The following EYS variants were observed in gnomAD, a reference collection of about 807,000 sequenced individuals.
EYS encodes the protein EGF-like photoreceptor maintenance factor, also known as protein eyes shut homolog.
A neutral mutation model predicts 282.1 loss-of-function variants in EYS; 250 were observed. The observed-to-expected ratio is 0.89, with a 90% CI of 0.80 to 0.98. The LOEUF is 0.98. EYS is among the 50% of genes least tolerant of loss of function. The probability of loss-of-function intolerance (pLI) is 0.00; values close to 1 mark genes in which losing one functional copy is unlikely to be tolerated. For missense variants in EYS, 4,016 were observed against 3,709.0 expected, an observed-to-expected ratio of 1.08 and a Z score of -2.15; for synonymous variants, 1,355 against 1,282.9, an observed-to-expected ratio of 1.06 and a Z score of -1.20.
chr6:64,571,207 G>A (rs551178934), intron 26 of EYS, among the ~76,000 whole-genome samples: 1 of 152,116 alleles, frequency 6.6e-6, no homozygotes, highest in East Asian at 1.9e-4. Flanking sequence ...AATTAAGGCA[G>A]AAATAAAGAA....
At chr6:64,951,180 A>G (rs1172492057) in intron 14 of EYS, among the ~76,000 whole-genome samples, 5 of 151,832 alleles carry the variant, frequency 3.3e-5, no homozygotes, top group African/African-American at 1.2e-4. Context: ...CACAGAAGTA[A>G]AGCATTAGCA....
At position 64,033,828 on chromosome 6, in the gene EYS, C is replaced by CTATATATATATA. The variant is rs1491226014; in HGVS notation, c.6725+32509_6725+32510insTATATATATATA. ...AGTAATTCTGACACAAATGAGATTA[C>CTATATATATATA]TCTCTCTCTCTCTCTCTCTATATAT... is the stretch of plus-strand genomic sequence containing the variant. On this transcript the variant is annotated intron_variant, in intron 33 of 42. Transcript: ENST00000503581. Among the ~76,000 whole-genome samples, 74 of 59,200 alleles carry CTATATATATATA rather than the reference C, an allele frequency of 1.3e-3. 1 individual carries two copies. The highest frequency in any genetic ancestry group is 4.3e-3 in the African/African-American group (65 of 15,190). The allele number at this position is 59,200 out of a possible 152,430, so 38.8% of individuals were successfully genotyped here.
At chr6:64,214,135 C>T (rs891038500) in intron 31 of EYS, among the ~76,000 whole-genome samples, 8 of 150,158 alleles carry the variant, frequency 5.3e-5, no homozygotes, top group Non-Finnish European at 8.8e-5. Flanking sequence ...ATATAAACTC[C>T]TTGTGTAAGA....
At chr6:64,099,892 C>T (rs887131679) in intron 31 of EYS, among the ~76,000 whole-genome samples, 1 of 152,108 alleles carries the variant, frequency 6.6e-6, no homozygotes, top group South Asian at 2.1e-4. Context: ...ATTTTCAACT[C>T]AAGAAATATA....
intron 12 of EYS, among the ~76,000 whole-genome samples, chr6:65,167,476 T>C (rs1765000605): frequency 6.6e-6 from 1 of 151,298 alleles, no homozygotes; most frequent in Non-Finnish European, 1.5e-5. Context: ...ATGTGAATTA[T>C]GTCTAAAAAT....
chr6:65,306,581 G>C (rs148367660), intron 11 of EYS, among the ~76,000 whole-genome samples: 8 of 151,072 alleles, frequency 5.3e-5, no homozygotes, highest in African/African-American at 1.7e-4. Context: ...TCAATGTTTC[G>C]TGTTCCGCAT....
chr6:64,094,823 C>G (rs1772525331), intron 31 of EYS, among the ~76,000 whole-genome samples: 1 of 152,130 alleles, frequency 6.6e-6, no homozygotes, highest in Non-Finnish European at 1.5e-5. Context: ...TCTTGCTTCT[C>G]TAGTTCTTGT....
chr6:64,392,440 C>G (rs76137569), intron 28 of EYS, among the ~76,000 whole-genome samples: 42,391 of 145,254 alleles, frequency 0.29, 6,300 homozygotes, highest in East Asian at 0.44. Context: ...TCAGACCACA[C>G]TGCAATCAAA....
At chr6:65,177,309 G>A (rs1052879601) in intron 12 of EYS, among the ~76,000 whole-genome samples, 3 of 151,730 alleles carry the variant, frequency 2.0e-5, no homozygotes, top group South Asian at 2.1e-4. Flanking sequence ...AATAATTTGC[G>A]ATTATTCATC....
chr6:64,090,485 A>G (rs79253503), intron 31 of EYS, among the ~76,000 whole-genome samples: 7,979 of 152,192 alleles, frequency 0.052, 230 homozygotes, highest in African/African-American at 0.081. Flanking sequence ...ATCAACACAA[A>G]TATATACTTC....
rs191711943 is a variant in EYS, at chr6:64,963,385, G to C, written c.2260-17471C>G. Among the ~76,000 whole-genome samples the C allele has an allele frequency of 4.6e-5, 7 of 152,246 alleles. No homozygotes were observed. The East Asian group carries it at 1.2e-3, about 25-fold the overall frequency. Reference sequence around the variant, plus strand: ...CATTAGCCATAGGAATGGCACCCTAGGTTTGATAATTTAATTATCCTTTAC... The same window carrying C: ...CATTAGCCATAGGAATGGCACCCTACGTTTGATAATTTAATTATCCTTTAC... On this transcript the variant is annotated intron_variant, in intron 14 of 42. Coordinates refer to ENST00000503581, the MANE Select transcript of EYS (RefSeq NM_001142800.2).
Position 65,004,373 on chromosome 6 carries a change from T to A in EYS, c.2138-6670A>T. Among the ~76,000 whole-genome samples, 2 of 147,580 alleles carry A rather than the reference T, an allele frequency of 1.4e-5. 1 individual carries two copies. Among genetic ancestry groups the A allele is most frequent in the Non-Finnish European group, 3.0e-5 (2 of 65,920 alleles). On this transcript the variant is annotated intron_variant, in intron 13 of 42. Transcript: ENST00000503581. ...CCAGGCTAAAGTCAGTAAATAATCA[T>A]GGTTATATCCTAAACTCTCCCATTA...
intron 31 of EYS, among the ~76,000 whole-genome samples, chr6:64,212,882 G>C (rs1765823092): frequency 6.6e-6 from 1 of 152,090 alleles, no homozygotes; most frequent in African/African-American, 2.4e-5. Context: ...GTGATGGACT[G>C]GATAAAGAAA....
At chr6:64,791,803 A>G (rs1774201056) in intron 22 of EYS, among the ~76,000 whole-genome samples, 2 of 151,928 alleles carry the variant, frequency 1.3e-5, no homozygotes. Context: ...ACAATATTGC[A>G]TTATTTCCAG....
chr6:65,031,599 T>C (rs1038068219), intron 13 of EYS, among the ~76,000 whole-genome samples: 1 of 152,082 alleles, frequency 6.6e-6, no homozygotes, highest in African/African-American at 2.4e-5. Context: ...TACAATTACA[T>C]GGAAATTAAA....
At chr6:63,925,158 A>T (rs1764679789) in intron 35 of EYS, among the ~76,000 whole-genome samples, 1 of 152,214 alleles carries the variant, frequency 6.6e-6, no homozygotes, top group African/African-American at 2.4e-5. Context: ...GAATTAAGCT[A>T]AAGACAGAAA....
chr6:64,591,582 T>C lies in EYS; in HGVS notation c.4285A>G (p.Arg1429Gly). ...TCAATATCAGCCCCTGGAATGCTTC[T>C]AATTACTGAAGTCGTTGGGGTAGCA... ...LSATPTTSVI[R>G]SIPGADIELN... Residue 1429 changes from arginine (R) to glycine (G), a missense_variant, in exon 26 of 43, where the codon AGA (arginine) becomes GGA (glycine). By Grantham distance (125) the Arg-to-Gly change is moderately radical. Coordinates refer to ENST00000503581, the MANE Select transcript of EYS (RefSeq NM_001142800.2). 1.9e-6 allele frequency: 3 copies of C among 1,551,284 alleles called. No individual in the cohort carries two copies. The African/African-American group carries it at 4.1e-5, about 21-fold the overall frequency.
intron 30 of EYS, among the ~76,000 whole-genome samples, chr6:64,245,474 C>T (rs1351368031): frequency 6.7e-6 from 1 of 149,352 alleles, no homozygotes; most frequent in Non-Finnish European, 1.5e-5. Flanking sequence ...GCCACTGCAC[C>T]TGGCTTATAC....
intron 33 of EYS, among the ~76,000 whole-genome samples, chr6:64,000,876 G>A (rs959716513): frequency 2.6e-5 from 4 of 152,082 alleles, no homozygotes; most frequent in Non-Finnish European, 5.9e-5. Flanking sequence ...GGCCAGGCGC[G>A]GTGGCTCAGG....
Sources: gnomAD v4.1 joint callset for allele counts (sites outside exome capture counted in the v4.1 genomes callset) on GRCh38, gnomAD v4.1.1 for gene constraint, MANE v1.5 for transcripts, NCBI Gene and HGNC (gene_info 2026-07-23, HGNC 2026-07-21) for gene names.